SHANK2: variants seen among roughly 807,000 people sequenced by gnomAD.
The protein encoded by SHANK2 is SH3 and multiple ankyrin repeat domains 2.
SHANK2 carries 43 observed loss-of-function variants against 133.7 expected under a neutral mutation model. The observed-to-expected ratio is 0.32, with a 90% confidence interval of 0.25 to 0.41. The LOEUF (loss-of-function observed/expected upper bound fraction) is 0.41, where lower values mean the gene tolerates loss of function less well. SHANK2 is among the 10% of genes least tolerant of loss of function. The pLI, the probability that SHANK2 is intolerant of heterozygous loss-of-function variation, is 1.00. For synonymous variants in SHANK2, 1,017 were observed against 952.8 expected (o/e 1.07, Z -1.24); for missense variants, 1,994 against 2,235.8 (o/e 0.89, Z 2.18).
intron 10 of SHANK2, among the ~76,000 whole-genome samples, chr11:70,925,476 A>T (rs1222013165): frequency 6.6e-6 from 1 of 152,224 alleles, no homozygotes; most frequent in Admixed American, 6.5e-5. Context: ...TGTGTCCATA[A>T]TCAACACCAA....
At chr11:70,745,567 T>C (rs1946621422) in intron 14 of SHANK2, among the ~76,000 whole-genome samples, 1 of 152,228 alleles carries the variant, frequency 6.6e-6, no homozygotes, top group Non-Finnish European at 1.5e-5. Context: ...TGGAGTGTCC[T>C]GCCCTGCGCT....
intron 10 of SHANK2, among the ~76,000 whole-genome samples, chr11:70,898,311 CATAT>C (rs1324496999): frequency 2.5e-4 from 37 of 145,182 alleles, no homozygotes; most frequent in Admixed American, 1.7e-3. Flanking sequence ...CACACACACA[CATAT>C]ATATATGTGT....
intron 2 of SHANK2, among the ~76,000 whole-genome samples, chr11:71,187,533 T>TG (rs1953699216): frequency 6.6e-6 from 1 of 152,148 alleles, no homozygotes; most frequent in South Asian, 2.1e-4. Context: ...GGACAGTTCA[T>TG]GGGTTTCTCA....
Position 71,252,068 on chromosome 11 carries a change from G to A in SHANK2, c.-113+357C>T, listed in dbSNP as rs1391407461. On this transcript the variant is annotated intron_variant, in intron 1 of 25. Transcript: ENST00000601538. The surrounding 1 kb of genome is among the most constrained non-coding windows in gnomAD (Gnocchi z 6.3). ...CCACACGCGCTGTTCCAGAGGAAGG[G>A]GCAGGACGCGCCAGAGACTACGTGG... Among the ~76,000 whole-genome samples the A allele has an allele frequency of 6.6e-6, 1 of 152,148 alleles. No homozygotes were observed. Among genetic ancestry groups the A allele is most frequent in the Non-Finnish European group, 1.5e-5 (1 of 68,012 alleles).
At chr11:70,873,096 C>T in intron 11 of SHANK2, 1 of 471,302 alleles carries the variant, frequency 2.1e-6, no homozygotes, top group South Asian at 1.5e-5. Context: ...GTGAAACCTG[C>T]AGCTTGGGCC....
At chr11:70,855,463 C>T (rs1022523192) in intron 11 of SHANK2, among the ~76,000 whole-genome samples, 1 of 152,236 alleles carries the variant, frequency 6.6e-6, no homozygotes. Context: ...AACCTCCAGG[C>T]AGGTCCCCCT....
chr11:71,223,866 A>G (rs558007111), intron 2 of SHANK2, among the ~76,000 whole-genome samples: 1 of 151,770 alleles, frequency 6.6e-6, no homozygotes, highest in East Asian at 2.0e-4. Context: ...CTGCAGCCAC[A>G]CTGTCTGGGT....
intron 21 of SHANK2, among the ~76,000 whole-genome samples, chr11:70,499,146 C>T (rs1410916301): frequency 3.9e-5 from 6 of 152,232 alleles, no homozygotes; most frequent in South Asian, 2.1e-4. Flanking sequence ...CCCCGCACTT[C>T]GCATGTGCGC....
rs368039094 is a variant in SHANK2 at position 70,636,358 on chromosome 11, CAT to C, written c.2061+23468_2061+23469del. Among the ~76,000 whole-genome samples the C allele has an allele frequency of 5.2e-4, 78 of 150,190 alleles. 1 individual carries two copies. The highest frequency in any genetic ancestry group is 2.6e-3 in the East Asian group (13 of 5,036). On this transcript the variant is annotated intron_variant, in intron 17 of 25. Transcript: ENST00000601538. ...GTGTGAATGCGTGTTAGTACATGTGCATATGTGTGTATGAATGTGAGTCTGTG... is the reference window on the plus strand; with the variant it reads ...GTGTGAATGCGTGTTAGTACATGTGCATGTGTGTATGAATGTGAGTCTGTG...
At chr11:70,833,932 C>A (rs970156705) in intron 11 of SHANK2, among the ~76,000 whole-genome samples, 1 of 152,224 alleles carries the variant, frequency 6.6e-6, no homozygotes, top group Non-Finnish European at 1.5e-5. Flanking sequence ...TTCTGTGTAA[C>A]TCAGACCCAG....
chr11:70,474,509 G>A (rs1459184325), intron 25 of SHANK2: 1 of 152,256 alleles, frequency 6.6e-6, no homozygotes, highest in East Asian at 1.9e-4. Context: ...CCCACGTGGA[G>A]GTGGCCTTTC....
In SHANK2 at chr11:70,796,221, G is replaced by A. The variant is rs116554512; in HGVS notation, c.1777+2222C>T. On this transcript the variant is annotated intron_variant, in intron 14 of 25. Coordinates refer to ENST00000601538, the MANE Select transcript of SHANK2 (RefSeq NM_012309.5). Reference sequence around the variant, plus strand: ...CAGGGTGATGCTGGCAGGTGGACGGGAAAAGCCCACAGGAGAGAGGAGGAA... The same window carrying A: ...CAGGGTGATGCTGGCAGGTGGACGGAAAAAGCCCACAGGAGAGAGGAGGAA... Among the ~76,000 whole-genome samples the A allele has an allele frequency of 6.8e-3, 1,038 of 152,262 alleles. 14 individuals carry two copies. Among genetic ancestry groups the A allele is most frequent in the African/African-American group, 0.024 (978 of 41,538 alleles).
chr11:70,868,684 C>A (rs1353082770), intron 11 of SHANK2, among the ~76,000 whole-genome samples: 2 of 152,250 alleles, frequency 1.3e-5, no homozygotes, highest in Non-Finnish European at 2.9e-5. Flanking sequence ...AGGGCCCCAC[C>A]CACACAGGGA....
intron 2 of SHANK2, among the ~76,000 whole-genome samples, chr11:71,165,920 G>A (rs549649132): frequency 2.0e-5 from 3 of 152,172 alleles, no homozygotes; most frequent in South Asian, 2.1e-4. Context: ...TGAGCACTCT[G>A]TCAGGAAGCC....
chr11:71,128,503 G>A (rs1488054858), intron 3 of SHANK2, among the ~76,000 whole-genome samples: 1 of 152,176 alleles, frequency 6.6e-6, no homozygotes, highest in Non-Finnish European at 1.5e-5. Flanking sequence ...GAGCTGTGGA[G>A]ACGGAGTTTG....
chr11:71,125,395 G>A (rs1952162978), intron 3 of SHANK2, among the ~76,000 whole-genome samples: 1 of 152,196 alleles, frequency 6.6e-6, no homozygotes, highest in Non-Finnish European at 1.5e-5. Context: ...CACACAAATG[G>A]TAAGTGAAAC....
At chr11:71,066,557 A>T (rs1951066386) in intron 9 of SHANK2, among the ~76,000 whole-genome samples, 1 of 152,158 alleles carries the variant, frequency 6.6e-6, no homozygotes, top group Admixed American at 6.5e-5. Context: ...TGCAACCAGG[A>T]TGTTAACTCG....
chr11:71,085,447 C>T (rs1380662643), intron 8 of SHANK2, among the ~76,000 whole-genome samples: 29 of 132,252 alleles, frequency 2.2e-4, no homozygotes, highest in African/African-American at 8.1e-4. Flanking sequence ...CAGAGCAAGA[C>T]TCCATCTTAA....
chr11:70,719,203 C>T (rs1248649828), intron 14 of SHANK2, among the ~76,000 whole-genome samples: 1 of 152,192 alleles, frequency 6.6e-6, no homozygotes, highest in South Asian at 2.1e-4. Flanking sequence ...AGCCCACCCA[C>T]GTTGGAATAG....
Sources: allele counts gnomAD v4.1 joint callset (sites outside exome capture counted in the v4.1 genomes callset), GRCh38; gene constraint gnomAD v4.1.1; non-coding constraint Gnocchi (gnomAD v3.1); transcripts MANE v1.5; gene names NCBI Gene and HGNC (gene_info 2026-07-23, HGNC 2026-07-21).